Variants in EIF4G3 observed in about 807,000 individuals in gnomAD.
The protein encoded by EIF4G3 is eIF-4-gamma 3.
Under a neutral mutation model 186.4 loss-of-function variants are expected in EIF4G3, and 34 were observed. The observed-to-expected ratio is 0.18, with a 90% CI of 0.14 to 0.24. EIF4G3 has a LOEUF of 0.24. Among genes scored for constraint, EIF4G3 ranks in the 10% least tolerant of loss-of-function variants. The probability of loss-of-function intolerance (pLI) is 1.00; values close to 1 mark genes in which losing one functional copy is unlikely to be tolerated. For synonymous variants in EIF4G3, 673 were observed against 679.5 expected (o/e 0.99, Z 0.15); for missense variants, 1,536 against 1,948.5 (o/e 0.79, Z 3.99).
chr1:20,962,571 A>G (rs2073580493), intron 12 of EIF4G3, among the ~76,000 whole-genome samples: 1 of 152,230 alleles, frequency 6.6e-6, no homozygotes, highest in Non-Finnish European at 1.5e-5. Context: ...TTGTAATGTT[A>G]GCACTTTTCT....
At chr1:20,912,962 T>C (rs1466842761) in intron 14 of EIF4G3, among the ~76,000 whole-genome samples, 1 of 152,208 alleles carries the variant, frequency 6.6e-6, no homozygotes, top group East Asian at 1.9e-4. Flanking sequence ...GGATAAATTT[T>C]ACAATGAAGA....
At chr1:20,837,080 T>A (rs1168089701) in intron 30 of EIF4G3, among the ~76,000 whole-genome samples, 1 of 152,272 alleles carries the variant, frequency 6.6e-6, no homozygotes, top group Non-Finnish European at 1.5e-5. Flanking sequence ...CTAAAAGCTA[T>A]ATTCATAAAG....
chr1:21,080,319 A>C (rs2095732254), intron 3 of EIF4G3, among the ~76,000 whole-genome samples: 1 of 60,042 alleles, frequency 1.7e-5, no homozygotes, highest in Non-Finnish European at 4.6e-5. Context: ...CTGTCTCAAC[A>C]AAAAAAAAAG....
At chr1:21,073,740 A>G (rs188259766) in intron 3 of EIF4G3, 28 of 479,932 alleles carry the variant, frequency 5.8e-5, no homozygotes, top group African/African-American at 5.1e-4. Context: ...ATTGTAGGGA[A>G]GTCTATGATG....
intron 4 of EIF4G3, among the ~76,000 whole-genome samples, chr1:21,005,667 G>C (rs1172817671): frequency 6.6e-6 from 1 of 152,094 alleles, no homozygotes; most frequent in Non-Finnish European, 1.5e-5. Flanking sequence ...TATGTGAATT[G>C]GCATTCAAAG....
At chr1:20,868,085 A>ATTTTGTTT in intron 20 of EIF4G3, among the ~76,000 whole-genome samples, 1 of 14,688 alleles carries the variant, frequency 6.8e-5, no homozygotes, top group Non-Finnish European at 2.0e-4. Context: ...ATTCATGGTG[A>ATTTTGTTT]TTTTCTTTTT....
intron 20 of EIF4G3, among the ~76,000 whole-genome samples, chr1:20,875,870 C>G (rs2080618158): frequency 6.6e-6 from 1 of 151,960 alleles, no homozygotes. Flanking sequence ...CCAGATCCTG[C>G]CACTGCACTC....
At chr1:20,941,266 G>A (rs767089060) in intron 14 of EIF4G3, 13 of 1,549,620 alleles carry the variant, frequency 8.4e-6, no homozygotes, top group African/African-American at 1.4e-5. Context: ...TACCTTGGAG[G>A]CATTTTGTAT....
chr1:20,829,214 A>C lies in EIF4G3; in HGVS notation c.4120T>G (p.Leu1374Val). 1 of 1,613,996 alleles carries C rather than the reference A, an allele frequency of 6.2e-7. No individual in the cohort carries two copies. Among genetic ancestry groups the C allele is most frequent in the Non-Finnish European group, 8.5e-7 (1 of 1,179,946 alleles). ...DMAIDIPHIW[L>V]YLAELVTPML... ...GGGGTCACCAGTTCAGCAAGGTACAACCAAATATGGGGAATATCAATGGCC... is the reference window on the plus strand; with the variant it reads ...GGGGTCACCAGTTCAGCAAGGTACACCCAAATATGGGGAATATCAATGGCC... Residue 1374 changes from leucine (L) to valine (V), a missense_variant, in exon 31 of 37, where the codon TTG becomes GTG. Leu to Val is a conservative substitution (Grantham distance 32). Around this residue, in one of 11 missense-constraint regions of EIF4G3, gnomAD observed 395 missense variants for 498.9 expected, o/e 0.79. Transcript: ENST00000602326.
intron 20 of EIF4G3, 61 bp from the exon 21 acceptor site, chr1:20,865,323 C>T: frequency 9.5e-6 from 15 of 1,578,498 alleles, no homozygotes; most frequent in Non-Finnish European, 1.3e-5. Context: ...TTAAAAATAT[C>T]TGTTTGCTTT....
intron 2 of EIF4G3, chr1:21,169,578 A>G (rs554833714): frequency 2.0e-5 from 3 of 152,308 alleles, no homozygotes; most frequent in Admixed American, 6.5e-5. Context: ...TCTTATAATC[A>G]TAAGTTTTTA....
Position 21,176,226 on chromosome 1 carries a change from A to ACCGCTGCCGCCG in EIF4G3, c.-335_-324dup, listed in dbSNP as rs778824950. ...CCTGATGTTCGGGTGAGGAGGGGGG[A>ACCGCTGCCGCCG]CCGCTGCCGCCGCCGCCGCCGCCGC... On this transcript the variant is annotated 5_prime_UTR_variant, in exon 2 of 37. Transcript: ENST00000602326. 1 of 400,648 alleles carries ACCGCTGCCGCCG rather than the reference A, an allele frequency of 2.5e-6. No homozygotes were observed. The highest frequency in any genetic ancestry group is 4.0e-5 in the East Asian group (1 of 25,146). 24.8% of individuals were successfully genotyped at this position (400,648 alleles called of 1,614,324 possible).
At chr1:21,066,003 C>T (rs1440520103) in intron 3 of EIF4G3, among the ~76,000 whole-genome samples, 1 of 151,768 alleles carries the variant, frequency 6.6e-6, no homozygotes, top group Admixed American at 6.6e-5. Flanking sequence ...ATGGCAAAAC[C>T]CTGTCTCTAA....
At chr1:20,899,170 C>A (rs568185197) in intron 16 of EIF4G3, among the ~76,000 whole-genome samples, 1 of 152,298 alleles carries the variant, frequency 6.6e-6, no homozygotes, top group South Asian at 2.1e-4. Context: ...AAAAAATCCT[C>A]CAGGGTTTAT....
intron 20 of EIF4G3, among the ~76,000 whole-genome samples, chr1:20,879,016 A>G (rs1264034694): frequency 2.0e-5 from 3 of 152,182 alleles, no homozygotes; most frequent in Non-Finnish European, 4.4e-5. Context: ...CATAAGAGAC[A>G]CACGGGAAAA....
intron 2 of EIF4G3, chr1:21,111,608 T>C (rs930717744): frequency 1.9e-5 from 5 of 267,966 alleles, no homozygotes; most frequent in Non-Finnish European, 3.0e-5. Flanking sequence ...AAAATATTAT[T>C]ACAAGGAAAA....
chr1:20,873,217 A>ACTTCAGATTCACTGTC (rs2079719272), intron 20 of EIF4G3, among the ~76,000 whole-genome samples: 1 of 152,200 alleles, frequency 6.6e-6, no homozygotes, highest in African/African-American at 2.4e-5. Flanking sequence ...ATGTAGTTGT[A>ACTTCAGATTCACTGTC]CTTCAGATTC....
intron 16 of EIF4G3, among the ~76,000 whole-genome samples, chr1:20,896,702 A>T (rs1182619886): frequency 6.6e-6 from 1 of 152,010 alleles, no homozygotes; most frequent in Non-Finnish European, 1.5e-5. Flanking sequence ...TTCACTCACC[A>T]CTCATCTAGA....
At chr1:20,844,817 A>G (rs1228231963) in intron 29 of EIF4G3, among the ~76,000 whole-genome samples, 2 of 152,040 alleles carry the variant, frequency 1.3e-5, no homozygotes, top group Non-Finnish European at 2.9e-5. Context: ...GGGCGACAAG[A>G]GCAACACTCC....
Sources: allele counts gnomAD v4.1 joint callset (sites outside exome capture counted in the v4.1 genomes callset), GRCh38; gene constraint gnomAD v4.1.1; regional missense constraint gnomAD v4.1.1; transcripts MANE v1.5; gene names NCBI Gene and HGNC (gene_info 2026-07-23, HGNC 2026-07-21).